JPH2: variants seen among roughly 807,000 people sequenced by gnomAD.
JPH2 encodes junctophilin 2, also known as junctophilin-2.
JPH2 carries 38 observed loss-of-function variants against 55.9 expected under a neutral mutation model. The observed-to-expected ratio is 0.68, with a 90% CI of 0.52 to 0.89. The LOEUF is 0.89. JPH2 is among the 40% of genes least tolerant of loss of function. The pLI is 0.00. For synonymous variants in JPH2, 480 were observed against 472.4 expected, an observed-to-expected ratio of 1.02 and a Z score of -0.21; for missense variants, 964 against 1,037.6, an observed-to-expected ratio of 0.93 and a Z score of 0.97.
chr20:44,178,368 T>A (rs2072752795), intron 1 of JPH2, among the ~76,000 whole-genome samples: 1 of 152,048 alleles, frequency 6.6e-6, no homozygotes, highest in Non-Finnish European at 1.5e-5. Flanking sequence ...AAATAAAATA[T>A]CTAGGGATAA....
At chr20:44,183,484 C>T (rs1170028435) in intron 1 of JPH2, among the ~76,000 whole-genome samples, 1 of 152,222 alleles carries the variant, frequency 6.6e-6, no homozygotes, top group Admixed American at 6.5e-5. Context: ...CACCCAGACA[C>T]CCACCAACTG....
chr20:44,186,035 C>T (rs2072836808), intron 1 of JPH2, among the ~76,000 whole-genome samples: 1 of 152,168 alleles, frequency 6.6e-6, no homozygotes, highest in African/African-American at 2.4e-5. Flanking sequence ...GCATACCGAA[C>T]ATGCTAATGG....
intron 2 of JPH2, among the ~76,000 whole-genome samples, chr20:44,155,784 C>T (rs1238091478): frequency 3.3e-5 from 5 of 152,178 alleles, no homozygotes; most frequent in African/African-American, 1.2e-4. Context: ...ACCTGTAATA[C>T]GAGCACTTTG....
chr20:44,133,628 T>C (rs969784039), intron 2 of JPH2, among the ~76,000 whole-genome samples: 2 of 151,686 alleles, frequency 1.3e-5, no homozygotes, highest in African/African-American at 2.4e-5. Flanking sequence ...GCTGGGTGTC[T>C]ATTCCCCTTC....
rs997783314 is a variant in JPH2, at chr20:44,115,725, G to C, written c.1950C>G (p.Ala650=). 3.1e-6 allele frequency: 5 copies of C among 1,613,488 alleles called. No individual in the cohort carries two copies. The East Asian group carries it at 1.1e-4, about 36-fold the overall frequency. The change falls in exon 4 of 6, where the codon GCC becomes GCG. Residue 650 remains alanine (A), a synonymous_variant. Coordinates refer to ENST00000372980, the MANE Select transcript of JPH2 (RefSeq NM_020433.5). ...TEARGLTKAG[A]KKKARKEAAL... ...CGGCCTCCTTCCGCGCCTTCTTCTTGGCCCCCGCCTTGGTCAGCCCTCGAG... is the reference window on the plus strand; with the variant it reads ...CGGCCTCCTTCCGCGCCTTCTTCTTCGCCCCCGCCTTGGTCAGCCCTCGAG...
chr20:44,146,938 C>T (rs567189701), intron 2 of JPH2, among the ~76,000 whole-genome samples: 103 of 152,228 alleles, frequency 6.8e-4, no homozygotes, highest in African/African-American at 2.4e-3. Flanking sequence ...TTCTTTTTGA[C>T]CCCAAAATTC....
intron 2 of JPH2, among the ~76,000 whole-genome samples, chr20:44,158,768 T>C (rs2072582902): frequency 6.6e-6 from 1 of 151,998 alleles, no homozygotes; most frequent in African/African-American, 2.4e-5. Flanking sequence ...GCTGGGTAGC[T>C]GGATGACCAG....
At chr20:44,123,400 A>G (rs994582235) in intron 2 of JPH2, among the ~76,000 whole-genome samples, 2 of 151,756 alleles carry the variant, frequency 1.3e-5, no homozygotes, top group Non-Finnish European at 2.9e-5. Context: ...CTGCAGGCTC[A>G]CTCCTACAGC....
chr20:44,134,864 AAAT>A (rs2072394260), intron 2 of JPH2, among the ~76,000 whole-genome samples: 1 of 110,394 alleles, frequency 9.1e-6, no homozygotes, highest in African/African-American at 3.6e-5. Flanking sequence ...ATATATATAT[AAAT>A]ATATATATTT....
At chr20:44,146,255 G>T (rs1211125520) in intron 2 of JPH2, among the ~76,000 whole-genome samples, 1 of 151,844 alleles carries the variant, frequency 6.6e-6, no homozygotes, top group Non-Finnish European at 1.5e-5. Flanking sequence ...GGATGGTCTC[G>T]ATCTCCTGAC....
Position 44,115,812 on chromosome 20 carries a change from C to T in JPH2, c.1863G>A (p.Lys621=), listed in dbSNP as rs754623679. The T allele has an allele frequency of 5.5e-5, 89 of 1,604,862 alleles. No homozygotes were observed. Among genetic ancestry groups the T allele is most frequent in the Non-Finnish European group, 7.0e-5 (82 of 1,178,864 alleles). Residue 621 remains lysine (K), a synonymous_variant, in exon 4 of 6, where the codon AAG becomes AAA. Coordinates refer to ENST00000372980, the MANE Select transcript of JPH2 (RefSeq NM_020433.5). ...GPEPARETPA[K]LEPKPIIPKA... ...TGGGGATGATGGGCTTGGGCTCCAG[C>T]TTGGCGGGGGTCTCGCGTGCAGGCT... is the stretch of plus-strand genomic sequence containing the variant.
intron 3 of JPH2, among the ~76,000 whole-genome samples, chr20:44,118,225 C>T (rs2072207818): frequency 6.6e-6 from 1 of 152,100 alleles, no homozygotes; most frequent in African/African-American, 2.4e-5. Context: ...CTTCTCTCCT[C>T]TAAGCTTCAC....
In JPH2 at chr20:44,128,855, A is replaced by G. The variant is rs557052989; in HGVS notation, c.1170-10232T>C. ...GGGCATGTCACAGTACCCGGTTAAC[A>G]TGGTAGTGTATTCCAAGTTGGTTAG... is the stretch of plus-strand genomic sequence containing the variant. On this transcript the variant is annotated intron_variant, in intron 2 of 5. Coordinates refer to ENST00000372980, the MANE Select transcript of JPH2 (RefSeq NM_020433.5). Among the ~76,000 whole-genome samples, 13 of 152,186 alleles carry G rather than the reference A, an allele frequency of 8.5e-5. No homozygotes were observed. In the South Asian group the frequency reaches 2.7e-3, roughly 32 times the overall value.
intron 2 of JPH2, among the ~76,000 whole-genome samples, chr20:44,140,579 T>C (rs2072448880): frequency 6.6e-6 from 1 of 152,112 alleles, no homozygotes; most frequent in South Asian, 2.1e-4. Flanking sequence ...AGGATACGGC[T>C]TGGCCAAAGG....
intron 2 of JPH2, among the ~76,000 whole-genome samples, chr20:44,141,650 C>G (rs1252976943): frequency 2.0e-5 from 3 of 152,012 alleles, no homozygotes; most frequent in African/African-American, 7.3e-5. Context: ...TGCATGCTAC[C>G]ACGCCTAGCT....
Position 44,134,139 on chromosome 20 carries a change from A to AATAAATATTTATTATAAATAT in JPH2, c.1170-15537_1170-15517dup, listed in dbSNP as rs1444120911. 9.6e-4 allele frequency among the ~76,000 whole-genome samples: 10 copies of AATAAATATTTATTATAAATAT among 10,454 alleles called. 1 individual carries two copies. Among genetic ancestry groups the AATAAATATTTATTATAAATAT allele is most frequent in the South Asian group, 5.0e-3 (1 of 202 alleles). 6.9% of individuals were successfully genotyped at this position (10,454 alleles called of 152,430 possible). On this transcript the variant is annotated intron_variant, in intron 2 of 5. Transcript: ENST00000372980. Reference sequence around the variant, plus strand: ...AATAAATATTTATTATAAATATATAAATAAATATTTATTATAAATATATAA... The same window carrying AATAAATATTTATTATAAATAT: ...AATAAATATTTATTATAAATATATAAATAAATATTTATTATAAATATATAAATATTTATTATAAATATATAA...
chr20:44,114,741 G>A, intron 5 of JPH2, 41 bp downstream of exon 5: 1 of 1,456,828 alleles, frequency 6.9e-7, no homozygotes, highest in Non-Finnish European at 9.5e-7. Flanking sequence ...CTCCCCAGGG[G>A]CTCCTGCCCC....
chr20:44,121,108 G>A (rs1369748915), intron 2 of JPH2, among the ~76,000 whole-genome samples: 1 of 152,234 alleles, frequency 6.6e-6, no homozygotes, highest in Non-Finnish European at 1.5e-5. Flanking sequence ...ACTTAATGTT[G>A]ATGGGTGGTG....
At chr20:44,176,835 A>G in intron 1 of JPH2, 1 of 981,186 alleles carries the variant, frequency 1.0e-6, no homozygotes, top group Non-Finnish European at 1.2e-6. Context: ...AAGGATTCCA[A>G]TTTAATTAAA....
Sources: allele counts gnomAD v4.1 joint callset (sites outside exome capture counted in the v4.1 genomes callset), GRCh38; gene constraint gnomAD v4.1.1; transcripts MANE v1.5; gene names NCBI Gene and HGNC (gene_info 2026-07-23, HGNC 2026-07-21).